The following CCDC7 variants were observed in gnomAD, a reference collection of about 807,000 sequenced individuals.
The protein encoded by CCDC7 is coiled-coil domain containing 7.
CCDC7 carries 183 observed loss-of-function variants against 196.9 expected under a neutral mutation model. That is an observed-to-expected ratio of 0.93 (90% confidence interval 0.82 to 1.05). The LOEUF (loss-of-function observed/expected upper bound fraction) is 1.05, where lower values mean the gene tolerates loss of function less well. CCDC7 is among the 50% of genes least tolerant of loss of function. The pLI is 0.00. For synonymous variants in CCDC7, 525 were observed against 484.6 expected, an observed-to-expected ratio of 1.08 and a Z score of -1.10; for missense variants, 1,540 against 1,482.2, an observed-to-expected ratio of 1.04 and a Z score of -0.64.
At chr10:32,641,141 G>C (rs2066724651) in intron 20 of CCDC7, among the ~76,000 whole-genome samples, 1 of 151,984 alleles carries the variant, frequency 6.6e-6, no homozygotes, top group Non-Finnish European at 1.5e-5. Context: ...TGGAGTTGCT[G>C]TTCTCAAAGC....
intron 18 of CCDC7, among the ~76,000 whole-genome samples, chr10:32,602,249 C>G (rs752950501): frequency 6.6e-6 from 1 of 151,994 alleles, no homozygotes; most frequent in African/African-American, 2.4e-5. Context: ...CTGAAGTTAG[C>G]AAGACCACGA....
intron 28 of CCDC7, among the ~76,000 whole-genome samples, chr10:32,757,979 C>G (rs180930944): frequency 3.3e-5 from 5 of 152,232 alleles, no homozygotes; most frequent in Non-Finnish European, 5.9e-5. Flanking sequence ...CATCTCTACA[C>G]AAATAAACTA....
Position 32,566,158 on chromosome 10 carries a change from A to G in CCDC7, c.1197+538A>G, listed in dbSNP as rs192235652. Among the ~76,000 whole-genome samples the G allele has an allele frequency of 3.9e-5, 6 of 152,312 alleles. No individual in the cohort carries two copies. In the South Asian group the frequency reaches 1.0e-3, roughly 26 times the overall value. The stretch of plus-strand genomic sequence containing the variant: ...AAAAATGTAAAGGACAGAAATATGT[A>G]GTATTTGTGGTTGTATGCTGAAATG... On this transcript the variant is annotated intron_variant, in intron 14 of 41. Transcript: ENST00000639629.
intron 28 of CCDC7, among the ~76,000 whole-genome samples, chr10:32,767,443 T>C (rs1406617822): frequency 6.6e-6 from 1 of 152,284 alleles, no homozygotes; most frequent in East Asian, 1.9e-4. Context: ...TGGCTTCTTT[T>C]AGAAGCAATT....
chr10:32,658,186 T>C (rs915736331), intron 20 of CCDC7, among the ~76,000 whole-genome samples: 3 of 152,234 alleles, frequency 2.0e-5, no homozygotes, highest in Admixed American at 2.0e-4. Context: ...AAGTTGCTTC[T>C]ACATTTTTGG....
chr10:32,563,526 C>T (rs550662164), intron 13 of CCDC7, among the ~76,000 whole-genome samples: 2 of 152,224 alleles, frequency 1.3e-5, no homozygotes, highest in South Asian at 4.1e-4. Context: ...CTTTGACAAA[C>T]CTGAGAAAAA....
chr10:32,624,035 C>T (rs955592160), intron 18 of CCDC7, among the ~76,000 whole-genome samples: 1 of 152,244 alleles, frequency 6.6e-6, no homozygotes, highest in African/African-American at 2.4e-5. Context: ...AGTATCCAAA[C>T]CATATCAGTT....
exon 9 of CCDC7, chr10:32,491,941 T>C: frequency 1.3e-6 from 2 of 1,577,346 alleles, no homozygotes; most frequent in Non-Finnish European, 1.7e-6. Context: ...ATTCAATGAC[T>C]AATCGATTTA....
At chr10:32,690,315 AT>A (rs2076938729) in intron 23 of CCDC7, among the ~76,000 whole-genome samples, 1 of 152,208 alleles carries the variant, frequency 6.6e-6, no homozygotes, top group African/African-American at 2.4e-5. Flanking sequence ...GTCATTATGC[AT>A]TGATGACAGA....
At chr10:32,757,727 G>A (rs1388003332) in intron 28 of CCDC7, among the ~76,000 whole-genome samples, 1 of 152,144 alleles carries the variant, frequency 6.6e-6, no homozygotes, top group Non-Finnish European at 1.5e-5. Context: ...TCAAAAGCTA[G>A]CAGAAGGCCA....
intron 33 of CCDC7, among the ~76,000 whole-genome samples, chr10:32,836,556 C>T (rs1565661061): frequency 6.6e-6 from 1 of 152,144 alleles, no homozygotes; most frequent in Non-Finnish European, 1.5e-5. Context: ...TGTTTCCTGA[C>T]TTTTCAATGA....
chr10:32,828,515 A>G lies in CCDC7; in HGVS notation c.3268+3911A>G, dbSNP rs1026166551. Among the ~76,000 whole-genome samples the G allele has an allele frequency of 4.1e-3, 599 of 146,102 alleles. 4 individuals are homozygous for G. Among genetic ancestry groups the G allele is most frequent in the African/African-American group, 0.014 (564 of 39,492 alleles). On this transcript the variant is annotated intron_variant, in intron 32 of 41. Coordinates refer to ENST00000639629, the Ensembl canonical transcript of CCDC7. ...AAGAAGAAGAAGAAGAAGAAGAAGA[A>G]GAAGAAGAAGAAGAAGAAGAAGAAG... is the stretch of plus-strand genomic sequence containing the variant.
intron 8 of CCDC7, among the ~76,000 whole-genome samples, chr10:32,475,788 T>C (rs2038864491): frequency 6.6e-6 from 1 of 152,188 alleles, no homozygotes; most frequent in Non-Finnish European, 1.5e-5. Flanking sequence ...TAAATTCTAT[T>C]AAATCTTATA....
intron 30 of CCDC7, among the ~76,000 whole-genome samples, chr10:32,810,099 C>T (rs1592990187): frequency 6.6e-6 from 1 of 151,790 alleles, no homozygotes; most frequent in African/African-American, 2.4e-5. Context: ...AATCACCAAA[C>T]CACAATGATA....
intron 20 of CCDC7, among the ~76,000 whole-genome samples, chr10:32,658,893 C>T (rs1474452529): frequency 1.3e-5 from 2 of 151,882 alleles, no homozygotes; most frequent in African/African-American, 4.8e-5. Flanking sequence ...GTTGTAATGT[C>T]TCATCTCTCA....
intron 26 of CCDC7, 23 bp from the exon 28 acceptor site, chr10:32,728,864 A>G (rs1312047100): frequency 3.0e-6 from 4 of 1,327,512 alleles, no homozygotes; most frequent in Non-Finnish European, 4.3e-6. Context: ...CATTTGATGG[A>G]CTAAATGCAT....
intron 32 of CCDC7, among the ~76,000 whole-genome samples, chr10:32,830,118 AAGGAT>A (rs1436659223): frequency 1.4e-5 from 1 of 71,596 alleles, no homozygotes; most frequent in Admixed American, 1.9e-4. Flanking sequence ...TTATATATAT[AAGGAT>A]ATATATATAT....
chr10:32,823,824 TC>T (rs1219559570), intron 31 of CCDC7, among the ~76,000 whole-genome samples: 2 of 152,192 alleles, frequency 1.3e-5, no homozygotes, highest in African/African-American at 4.8e-5. Flanking sequence ...AGGAATACAA[TC>T]CTAAGGCTAG....
intron 11 of CCDC7, among the ~76,000 whole-genome samples, chr10:32,536,834 A>T (rs2050589495): frequency 6.6e-6 from 1 of 152,038 alleles, no homozygotes; most frequent in Non-Finnish European, 1.5e-5. Context: ...TTATCTCATT[A>T]TTTTTTATAG....
Sources: gnomAD v4.1 joint callset for allele counts (sites outside exome capture counted in the v4.1 genomes callset) on GRCh38, gnomAD v4.1.1 for gene constraint, MANE v1.5 for transcripts, NCBI Gene and HGNC (gene_info 2026-07-23, HGNC 2026-07-21) for gene names.